The following NPAS3 variants were observed in gnomAD, a reference collection of about 807,000 sequenced individuals.
NPAS3 encodes the protein neuronal PAS domain-containing protein 3.
In NPAS3, 14 loss-of-function variants were observed where a neutral mutation model predicts 73.1. The ratio of observed to expected loss-of-function variants is 0.19; its 90% CI spans 0.13 to 0.30. The LOEUF is 0.30. Ranked by LOEUF, NPAS3 falls within the 10% of genes least tolerant of loss-of-function variation. The pLI is 1.00. For missense variants in NPAS3, 1,096 were observed against 1,250.0 expected, an observed-to-expected ratio of 0.88 and a Z score of 1.86; for synonymous variants, 620 against 541.5, an observed-to-expected ratio of 1.14 and a Z score of -2.01.
intron 3 of NPAS3, among the ~76,000 whole-genome samples, chr14:33,293,621 A>G (rs549163018): frequency 2.2e-4 from 34 of 152,320 alleles, no homozygotes; most frequent in African/African-American, 8.2e-4. Context: ...ATAGATGTAA[A>G]GGGAAGACTT....
intron 3 of NPAS3, among the ~76,000 whole-genome samples, chr14:33,267,489 C>T (rs934195503): frequency 6.6e-6 from 1 of 151,996 alleles, no homozygotes; most frequent in Non-Finnish European, 1.5e-5. Flanking sequence ...GCTGTGTTTG[C>T]ATGAATTGAA....
intron 4 of NPAS3, among the ~76,000 whole-genome samples, chr14:33,503,245 T>C (rs1297971647): frequency 6.6e-6 from 1 of 151,968 alleles, no homozygotes; most frequent in Non-Finnish European, 1.5e-5. Flanking sequence ...TAGTAGTAGC[T>C]GCTACTCCAC....
chr14:32,965,648 A>G (rs1008921656), intron 1 of NPAS3, among the ~76,000 whole-genome samples: 10 of 152,218 alleles, frequency 6.6e-5, no homozygotes, highest in Admixed American at 2.6e-4. Context: ...AAAATCTGGA[A>G]CAAGGCAAGG....
At chr14:33,366,871 A>G (rs1436716364) in intron 3 of NPAS3, among the ~76,000 whole-genome samples, 1 of 152,194 alleles carries the variant, frequency 6.6e-6, no homozygotes, top group African/African-American at 2.4e-5. Flanking sequence ...AAAATGGTGT[A>G]CTAATTTATT....
At chr14:32,984,328 T>C (rs990295615) in intron 1 of NPAS3, among the ~76,000 whole-genome samples, 8 of 152,222 alleles carry the variant, frequency 5.3e-5, no homozygotes, top group Non-Finnish European at 1.2e-4. Flanking sequence ...GCAATGTGCT[T>C]ATATAAATCT....
At chr14:33,565,439 G>T (rs1462330779) in intron 5 of NPAS3, among the ~76,000 whole-genome samples, 1 of 152,204 alleles carries the variant, frequency 6.6e-6, no homozygotes, top group Non-Finnish European at 1.5e-5. Flanking sequence ...TTGGCCGAGG[G>T]CCAATAAATC....
chr14:33,525,460 A>G, intron 4 of NPAS3, among the ~76,000 whole-genome samples: 1 of 152,224 alleles, frequency 6.6e-6, no homozygotes. Context: ...ATGCCCTTGC[A>G]ATCAGAAGGT....
intron 2 of NPAS3, among the ~76,000 whole-genome samples, chr14:33,154,956 A>C: frequency 6.6e-6 from 1 of 152,284 alleles, no homozygotes; most frequent in East Asian, 1.9e-4. Flanking sequence ...TGTTTCTATA[A>C]ATATTTATGG....
rs548750086 is a variant in NPAS3 at position 33,534,471 on chromosome 14, G to A, written c.469-25650G>A. 3.3e-5 allele frequency among the ~76,000 whole-genome samples: 5 copies of A among 152,254 alleles called. No homozygotes were observed. In the South Asian group the frequency reaches 6.2e-4, roughly 19 times the overall value. On this transcript the variant is annotated intron_variant, in intron 4 of 11. Coordinates refer to ENST00000356141, the Ensembl canonical transcript of NPAS3. Reference sequence around the variant, plus strand: ...TAGGAGCTGGATACTATAGAAACACGTGAGGAAGTCAGGAGTGTGACTACA... The same window carrying A: ...TAGGAGCTGGATACTATAGAAACACATGAGGAAGTCAGGAGTGTGACTACA...
intron 4 of NPAS3, among the ~76,000 whole-genome samples, chr14:33,438,528 G>C (rs1032802112): frequency 7.2e-5 from 11 of 152,216 alleles, no homozygotes; most frequent in African/African-American, 2.4e-4. Context: ...GGGTATTACA[G>C]GGTTGTAGAA....
At chr14:33,695,038 T>C (rs931139023) in intron 6 of NPAS3, among the ~76,000 whole-genome samples, 3 of 152,182 alleles carry the variant, frequency 2.0e-5, no homozygotes, top group Non-Finnish European at 4.4e-5. Flanking sequence ...ACATCAGTTC[T>C]GGCCATACAA....
chr14:33,099,655 A>G (rs890889567), intron 2 of NPAS3, among the ~76,000 whole-genome samples: 1 of 152,228 alleles, frequency 6.6e-6, no homozygotes, highest in African/African-American at 2.4e-5. Flanking sequence ...ACAAAGATGT[A>G]TAAAGTTATA....
rs541903787 is a variant in NPAS3 at position 33,510,295 on chromosome 14, C to G, written c.469-49826C>G. ...CACCACCCTTTAGGGGCCTCCACAT[C>G]CATCAAAACCAGACCCCAGGAAAGG... On this transcript the variant is annotated intron_variant, in intron 4 of 11. Transcript: ENST00000356141. Among the ~76,000 whole-genome samples the G allele has an allele frequency of 2.0e-5, 3 of 152,046 alleles. No homozygotes were observed. In the East Asian group the frequency reaches 5.8e-4, roughly 30 times the overall value.
intron 3 of NPAS3, among the ~76,000 whole-genome samples, chr14:33,360,360 G>A (rs2045541340): frequency 6.6e-6 from 1 of 152,128 alleles, no homozygotes; most frequent in South Asian, 2.1e-4. Flanking sequence ...GGGGCGGGAG[G>A]GGGCTGGTGG....
At chr14:33,221,629 G>T (rs971382609) in intron 3 of NPAS3, among the ~76,000 whole-genome samples, 1 of 152,058 alleles carries the variant, frequency 6.6e-6, no homozygotes, top group African/African-American at 2.4e-5. Context: ...TTTTTTAAAA[G>T]GAGAAGTAGA....
At chr14:33,441,624 A>T (rs1380486205) in intron 4 of NPAS3, among the ~76,000 whole-genome samples, 1 of 152,170 alleles carries the variant, frequency 6.6e-6, no homozygotes, top group East Asian at 1.9e-4. Flanking sequence ...TCCGGTTTTG[A>T]CTTCTGAATC....
intron 5 of NPAS3, among the ~76,000 whole-genome samples, chr14:33,613,183 G>A (rs2057804140): frequency 6.6e-6 from 1 of 151,994 alleles, no homozygotes; most frequent in Non-Finnish European, 1.5e-5. Flanking sequence ...TCATCAAATG[G>A]GCCAACTGGA....
intron 2 of NPAS3, among the ~76,000 whole-genome samples, chr14:33,137,553 A>C (rs1958014): frequency 0.36 from 55,177 of 151,998 alleles, 10,318 homozygotes; most frequent in African/African-American, 0.44. Flanking sequence ...GTGTGAGTAC[A>C]AATGGGTACA....
intron 2 of NPAS3, among the ~76,000 whole-genome samples, chr14:33,210,380 A>G (rs141811300): frequency 6.6e-6 from 1 of 152,186 alleles, no homozygotes; most frequent in Admixed American, 6.5e-5. Flanking sequence ...TTTTTTGGGG[A>G]TATATTTTGC....
Sources: gnomAD v4.1 joint callset for allele counts (sites outside exome capture counted in the v4.1 genomes callset) on GRCh38, gnomAD v4.1.1 for gene constraint, MANE v1.5 for transcripts, NCBI Gene and HGNC (gene_info 2026-07-23, HGNC 2026-07-21) for gene names.